CEP350: variants seen among roughly 807,000 people sequenced by gnomAD.
The protein encoded by CEP350 is centrosomal protein 350, also known as centrosome-associated protein 350.
In CEP350, 126 loss-of-function variants were observed where a neutral mutation model predicts 331.8. The ratio of observed to expected loss-of-function variants is 0.38; its 90% CI spans 0.33 to 0.44. The LOEUF is 0.44. Ranked by LOEUF, CEP350 falls within the 20% of genes least tolerant of loss-of-function variation. CEP350 has a pLI of 1.00. For synonymous variants in CEP350, 1,200 were observed against 1,259.5 expected, an observed-to-expected ratio of 0.95 and a Z score of 1.00; for missense variants, 3,406 against 3,634.6, an observed-to-expected ratio of 0.94 and a Z score of 1.62.
rs761572041 is a variant in CEP350 at position 180,092,694 on chromosome 1, A to G, written c.6589A>G (p.Ser2197Gly). 4.3e-6 allele frequency: 7 copies of G among 1,612,878 alleles called. No individual in the cohort carries two copies. In the East Asian group the frequency reaches 1.3e-4, roughly 31 times the overall value. The change falls in exon 34 of 38, where the codon AGT becomes GGT. Residue 2197 changes from serine to glycine, a missense_variant. Ser to Gly is a moderately conservative substitution (Grantham distance 56). This residue lies in a region of CEP350 where 1,415 missense variants were observed against 1,512.3 expected (regional missense o/e 0.94). Coordinates refer to ENST00000367607, the MANE Select transcript of CEP350 (RefSeq NM_014810.5). ...AYAKRVNEWD[S>G]RTEDFQTPSP... ...TGCAAAGAGAGTAAATGAATGGGAC[A>G]GTCGAACAGAAGATTTTCAGACCCC...
chr1:180,046,071 C>T (rs1428524857), intron 21 of CEP350, among the ~76,000 whole-genome samples: 1 of 152,234 alleles, frequency 6.6e-6, no homozygotes, highest in Non-Finnish European at 1.5e-5. Flanking sequence ...TCTGCTTTAG[C>T]TCTCACCTAA....
chr1:180,039,055 A>C (rs1223679452), intron 17 of CEP350, among the ~76,000 whole-genome samples: 1 of 143,476 alleles, frequency 7.0e-6, no homozygotes, highest in Non-Finnish European at 1.5e-5. Context: ...CGTCTCTACT[A>C]TGAATACAAA....
intron 27 of CEP350, among the ~76,000 whole-genome samples, chr1:180,074,747 G>T (rs1205282791): frequency 1.3e-5 from 2 of 152,126 alleles, no homozygotes; most frequent in African/African-American, 2.4e-5. Flanking sequence ...AATTATGGTT[G>T]TCTAGATATT....
chr1:180,051,492 G>A (rs1167790448), intron 22 of CEP350, among the ~76,000 whole-genome samples: 1 of 151,974 alleles, frequency 6.6e-6, no homozygotes, highest in Non-Finnish European at 1.5e-5. Flanking sequence ...GCAACGTTTA[G>A]GATGAAGGAA....
chr1:179,999,948 G>T (rs1326288878), intron 6 of CEP350, among the ~76,000 whole-genome samples: 2 of 152,072 alleles, frequency 1.3e-5, no homozygotes, highest in East Asian at 3.9e-4. Flanking sequence ...TTGGTTGTTT[G>T]CATATTTTTT....
At chr1:180,033,747 C>T (rs1253226214) in intron 15 of CEP350, 115 bp from the exon 16 acceptor site, 1 of 1,065,900 alleles carries the variant, frequency 9.4e-7, no homozygotes, top group South Asian at 1.7e-5. Context: ...GCCTAAATCA[C>T]AACTTTTTAA....
chr1:180,029,587 C>G (rs1655881496), intron 14 of CEP350, among the ~76,000 whole-genome samples: 1 of 152,228 alleles, frequency 6.6e-6, no homozygotes, highest in African/African-American at 2.4e-5. Context: ...GTTTCCCGTA[C>G]TGAAGCTCTG....
intron 27 of CEP350, chr1:180,073,766 T>C: frequency 7.7e-7 from 1 of 1,301,386 alleles, no homozygotes; most frequent in South Asian, 1.2e-5. Context: ...GTTTTTAAAA[T>C]CTTCCTCCTT....
chr1:180,093,896 T>C lies in CEP350; in HGVS notation c.7791T>C (p.Asp2597=). ...RYQCYNQEQN[D]TEGPKDREKD... Reference sequence around the variant, plus strand: ...AGTGCTATAATCAAGAGCAAAATGATACAGAGGGTCCAAAAGACAGAGAAA... The same window carrying C: ...AGTGCTATAATCAAGAGCAAAATGACACAGAGGGTCCAAAAGACAGAGAAA... Residue 2597 remains aspartate, a synonymous_variant, in exon 34 of 38, where the codon GAT becomes GAC. Coordinates refer to ENST00000367607, the MANE Select transcript of CEP350 (RefSeq NM_014810.5). 9 of 1,613,884 alleles carry C rather than the reference T, an allele frequency of 5.6e-6. No homozygotes were observed. The highest frequency in any genetic ancestry group is 6.8e-6 in the Non-Finnish European group (8 of 1,179,846).
At chr1:180,063,838 A>G (rs965337006) in intron 26 of CEP350, among the ~76,000 whole-genome samples, 2 of 152,154 alleles carry the variant, frequency 1.3e-5, no homozygotes, top group African/African-American at 4.8e-5. Context: ...TAGTGTGAGA[A>G]AACCCAGGCT....
chr1:180,090,545 CAAAA>C (rs36128628), intron 32 of CEP350, among the ~76,000 whole-genome samples, 165 bp from the exon 33 acceptor site: 2 of 77,376 alleles, frequency 2.6e-5, no homozygotes, highest in African/African-American at 1.1e-4. Flanking sequence ...GACTCCGTCT[CAAAA>C]AAAAAAAAAA....
In CEP350 at chr1:180,113,063, G is replaced by A. The variant is rs1002649555; in HGVS notation, c.*1902G>A. On this transcript the variant is annotated 3_prime_UTR_variant, in exon 38 of 38. Transcript: ENST00000367607. ...ATAATGAGCAAATTGACTAAGAGAAGCAAAGGTTTCTTGGGGTTATTAACC... is the reference window on the plus strand; with the variant it reads ...ATAATGAGCAAATTGACTAAGAGAAACAAAGGTTTCTTGGGGTTATTAACC... 6.6e-6 allele frequency: 1 copy of A among 152,562 alleles called. No homozygotes were observed. Among genetic ancestry groups the A allele is most frequent in the Non-Finnish European group, 1.5e-5 (1 of 68,010 alleles). The allele number at this position is 152,562 out of a possible 1,614,324, so 9.5% of individuals were successfully genotyped here.
chr1:179,997,241 T>C, intron 6 of CEP350, 66 bp downstream of exon 6: 15 of 1,508,036 alleles, frequency 9.9e-6, no homozygotes, highest in Non-Finnish European at 1.3e-5. Flanking sequence ...CTAGGGTGTA[T>C]TTGAATAGAG....
At position 180,024,577 on chromosome 1, in the gene CEP350, C is replaced by G. The variant is rs750317639; in HGVS notation, c.3545C>G (p.Thr1182Arg). ...SKGKKGKKEK[T>R]EWLDSFTGNV... is the part of the protein sequence containing the mutation. ...GGAAAGAAAGGAAAAAAGGAAAAGA[C>G]AGAATGTAAGTGGAATTCCACATGG... The change falls in exon 14 of 38, where the codon ACA (threonine) becomes AGA (arginine). Residue 1182 changes from threonine (T) to arginine (R), a missense_variant. By Grantham distance (71) the Thr-to-Arg change is moderately conservative. This residue lies in a region of CEP350 where 1,857 missense variants were observed against 1,909.2 expected (regional missense o/e 0.97). Coordinates refer to ENST00000367607, the MANE Select transcript of CEP350 (RefSeq NM_014810.5). 4 of 1,608,496 alleles carry G rather than the reference C, an allele frequency of 2.5e-6. No homozygotes were observed. In the South Asian group the frequency reaches 4.4e-5, roughly 18 times the overall value.
chr1:180,032,631 C>A (rs1413412853), intron 15 of CEP350, among the ~76,000 whole-genome samples: 2 of 151,866 alleles, frequency 1.3e-5, no homozygotes, highest in African/African-American at 4.8e-5. Context: ...AATTGTTTAA[C>A]CTCTTTTTTT....
rs760313370 is a variant in CEP350 at position 180,048,555 on chromosome 1, C to T, written c.4642C>T (p.Arg1548Cys). The T allele has an allele frequency of 2.2e-5, 36 of 1,604,560 alleles. No homozygotes were observed. The highest frequency in any genetic ancestry group is 8.9e-5 in the East Asian group (4 of 44,806). The change falls in exon 22 of 38, where the codon CGC becomes TGC. Residue 1548 changes from arginine (R) to cysteine (C), a missense_variant. Around this residue, in one of 5 missense-constraint regions of CEP350, gnomAD observed 1,857 missense variants for 1,909.2 expected, o/e 0.97. Coordinates refer to ENST00000367607, the MANE Select transcript of CEP350 (RefSeq NM_014810.5). ...AAAAAGAAGTAGCAGTGGTAGCAGC[C>T]GCCAAGAAAGTCCTTCAGTTCCATC... ...HDRRSSSGSS[R>C]QESPSVPSCK...
intron 30 of CEP350, among the ~76,000 whole-genome samples, chr1:180,082,796 G>A (rs986508165): frequency 6.6e-6 from 1 of 151,938 alleles, no homozygotes; most frequent in Non-Finnish European, 1.5e-5. Flanking sequence ...TAGTTATTTT[G>A]GGGGCAAAAT....
In CEP350 at chr1:180,035,369, TA is replaced by T. The variant is rs559379760; in HGVS notation, c.3946+1289del. Among the ~76,000 whole-genome samples the T allele has an allele frequency of 2.1e-3, 321 of 152,338 alleles. 2 individuals are homozygous for T. Among genetic ancestry groups the T allele is most frequent in the African/African-American group, 7.3e-3 (304 of 41,584 alleles). On this transcript the variant is annotated intron_variant, in intron 16 of 37. Transcript: ENST00000367607. ...AAACAGATTTCCAACGTAGATGAAA[TA>T]ACCTTATGTTGGAAGAAAATGTCAT...
At chr1:179,967,444 C>G (rs9701232) in intron 1 of CEP350, among the ~76,000 whole-genome samples, 12,663 of 152,174 alleles carry the variant, frequency 0.083, 700 homozygotes, top group Non-Finnish European at 0.12. Context: ...CTGAGTCTCA[C>G]TCTGTCGCCC....
Sources: allele counts gnomAD v4.1 joint callset (sites outside exome capture counted in the v4.1 genomes callset), GRCh38; gene constraint gnomAD v4.1.1; regional missense constraint gnomAD v4.1.1; transcripts MANE v1.5; gene names NCBI Gene and HGNC (gene_info 2026-07-23, HGNC 2026-07-21).